Variants in TFIP11 observed in about 807,000 individuals in gnomAD.
The protein encoded by TFIP11 is tuftelin-interacting protein 11.
TFIP11 carries 86 observed loss-of-function variants against 96.8 expected under a neutral mutation model. That is an observed-to-expected ratio of 0.89 (90% CI 0.75 to 1.06). The LOEUF is 1.06. TFIP11 is among the 50% of genes least tolerant of loss of function. The pLI is 0.00. For synonymous variants in TFIP11, 405 were observed against 395.2 expected, an observed-to-expected ratio of 1.02 and a Z score of -0.29; for missense variants, 881 against 1,076.7, an observed-to-expected ratio of 0.82 and a Z score of 2.54.
chr22:26,499,236 C>A lies in TFIP11; in HGVS notation c.1197G>T (p.Glu399Asp). 6.2e-7 allele frequency: 1 copy of A among 1,614,018 alleles called. No homozygotes were observed. The highest frequency in any genetic ancestry group is 8.5e-7 in the Non-Finnish European group (1 of 1,179,948). The change falls in exon 9 of 15, where the codon GAG becomes GAT. Residue 399 changes from glutamate to aspartate, a missense_variant. Coordinates refer to ENST00000407690, the MANE Select transcript of TFIP11 (RefSeq NM_012143.4). ...GCAGGGTTTCGAAGATGCGGGCACA[C>A]TCGTCCAGGGTGAGGGGGTTGCTGC... ...PDCSNPLTLDECARIFETLQD... is the reference protein window; with the variant it reads ...PDCSNPLTLDDCARIFETLQD...
Position 26,506,889 on chromosome 22 carries a change from T to C in TFIP11, c.249A>G (p.Ala83=). ...CCTCCGCTGCCCCTTTCTTGAGCCC[T>C]GCGCTGATGAAGTTGACTGGCGCAG... is the stretch of plus-strand genomic sequence containing the variant. ...DYSAPVNFIS[A]GLKKGAAEEA... The change falls in exon 5 of 15, where the codon GCA becomes GCG. Residue 83 remains alanine (A), a synonymous_variant. Coordinates refer to ENST00000407690, the MANE Select transcript of TFIP11 (RefSeq NM_012143.4). The C allele has an allele frequency of 1.2e-6, 2 of 1,614,204 alleles. No individual in the cohort carries two copies. The highest frequency in any genetic ancestry group is 1.7e-6 in the Non-Finnish European group (2 of 1,180,044).
chr22:26,499,704 G>A, intron 8 of TFIP11, 73 bp from the exon 9 acceptor site: 1 of 1,481,118 alleles, frequency 6.8e-7, no homozygotes, highest in Non-Finnish European at 9.1e-7. Flanking sequence ...CCCAGGGGAA[G>A]GCCCCATGAC....
intron 8 of TFIP11, 74 bp from the exon 9 acceptor site, chr22:26,499,705 G>T: frequency 6.8e-7 from 1 of 1,462,430 alleles, no homozygotes; most frequent in South Asian, 1.3e-5. Flanking sequence ...CCAGGGGAAG[G>T]CCCCATGACA....
chr22:26,492,589 T>TA, intron 14 of TFIP11: 1 of 558,322 alleles, frequency 1.8e-6, no homozygotes, highest in Non-Finnish European at 3.2e-6. Flanking sequence ...AACCAGATTA[T>TA]TAATATTCAA....
rs756655665 is a variant in TFIP11, at chr22:26,499,279, C to G, written c.1154G>C (p.Arg385Pro). 2 of 1,613,716 alleles carry G rather than the reference C, an allele frequency of 1.2e-6. No homozygotes were observed. The highest frequency in any genetic ancestry group is 2.2e-5 in the South Asian group (2 of 91,042). Residue 385 changes from arginine to proline, a missense_variant, in exon 9 of 15, where the codon CGG becomes CCG. Arg to Pro is a moderately radical substitution (Grantham distance 103). Transcript: ENST00000407690. ...GTTGCTGCAGTCGGGCTGCATCCGCCGCTCGCACTCCTCCACCATCTCCAG... is the reference window on the plus strand; with the variant it reads ...GTTGCTGCAGTCGGGCTGCATCCGCGGCTCGCACTCCTCCACCATCTCCAG... ...KVLEMVEECE[R>P]RMQPDCSNPL... is the part of the protein sequence containing the mutation.
At chr22:26,497,996 G>C (rs1325686453) in intron 10 of TFIP11, among the ~76,000 whole-genome samples, 1 of 63,390 alleles carries the variant, frequency 1.6e-5, no homozygotes, top group Non-Finnish European at 4.4e-5. Flanking sequence ...TCAACAAGTG[G>C]ATAAAGAAAC....
chr22:26,510,125 T>C lies in TFIP11; in HGVS notation c.148A>G (p.Thr50Ala), dbSNP rs1243513496. The change falls in exon 4 of 15, where the codon ACC becomes GCC. Residue 50 changes from threonine to alanine, a missense_variant. Coordinates refer to ENST00000407690, the MANE Select transcript of TFIP11 (RefSeq NM_012143.4). ...QRHWQTKEEA[T>A]YGVWAERDSD... ...TCTCGCTCTGCCCACACCCCGTAGGTGGCTTCTTCCTTGGTCTGCCAGTGG... is the reference window on the plus strand; with the variant it reads ...TCTCGCTCTGCCCACACCCCGTAGGCGGCTTCTTCCTTGGTCTGCCAGTGG... 4.1e-5 allele frequency: 66 copies of C among 1,614,012 alleles called. No individual in the cohort carries two copies. Among genetic ancestry groups the C allele is most frequent in the Non-Finnish European group, 5.5e-5 (65 of 1,180,040 alleles).
In TFIP11 at chr22:26,503,678, T is replaced by A; in HGVS notation, c.636A>T (p.Glu212Asp). 1 of 1,614,142 alleles carries A rather than the reference T, an allele frequency of 6.2e-7. No homozygotes were observed. The change falls in exon 7 of 15, where the codon GAA becomes GAT. Residue 212 changes from glutamate (E) to aspartate (D), a missense_variant. Coordinates refer to ENST00000407690, the MANE Select transcript of TFIP11 (RefSeq NM_012143.4). ...MQDFPVVDSE[E>D]EAEEEFQKEL... The stretch of plus-strand genomic sequence containing the variant: ...GACTTCCAGTTACCTCTTCAGCTTC[T>A]TCCTCTGAGTCAACCACAGGGAAGT...
Position 26,510,194 on chromosome 22 carries a change from T to C in TFIP11, c.79A>G (p.Thr27Ala). ...AACTCATTCTGGAGATCCCAGTCAG[T>C]GATCTCAAAGTTCTCCCGCTCGTCA... ...DDDERENFEI[T>A]DWDLQNEFNP... The change falls in exon 4 of 15, where the codon ACT becomes GCT. Residue 27 changes from threonine (T) to alanine (A), a missense_variant. Transcript: ENST00000407690. The C allele has an allele frequency of 1.2e-6, 2 of 1,614,172 alleles. No homozygotes were observed. The highest frequency in any genetic ancestry group is 1.7e-6 in the Non-Finnish European group (2 of 1,180,030).
intron 10 of TFIP11, among the ~76,000 whole-genome samples, chr22:26,497,614 A>C (rs958567367): frequency 2.6e-5 from 4 of 152,234 alleles, no homozygotes; most frequent in Non-Finnish European, 5.9e-5. Context: ...ACGGAGGCTC[A>C]CGCCTGTAAT....
At chr22:26,508,927 A>G (rs893251024) in intron 4 of TFIP11, among the ~76,000 whole-genome samples, 1 of 151,296 alleles carries the variant, frequency 6.6e-6, no homozygotes, top group African/African-American at 2.4e-5. Context: ...GGAGGAAAAA[A>G]CCCCCAACCT....
rs911957995 is a variant in TFIP11, at chr22:26,491,953, T to C, written c.*60A>G. On this transcript the variant is annotated 3_prime_UTR_variant, in exon 15 of 15. Coordinates refer to ENST00000407690, the MANE Select transcript of TFIP11 (RefSeq NM_012143.4). ...TTTGAAGGTGATCTAAAAATACTGT[T>C]TATTTACAGTACATCCCTCTTAGGG... 21 of 1,442,274 alleles carry C rather than the reference T, an allele frequency of 1.5e-5. No individual in the cohort carries two copies. The highest frequency in any genetic ancestry group is 8.3e-5 in the Admixed American group (4 of 48,080). 89.3% of individuals were successfully genotyped at this position (1,442,274 alleles called of 1,614,324 possible). A position where few individuals can be genotyped will look rare whatever the true frequency, so the allele number is the denominator to read the frequency against.
In TFIP11 at chr22:26,491,819, T is replaced by C. The variant is rs530963587; in HGVS notation, c.*194A>G. ...CCTGTTTTGAGGACGATACCCCACATGAGGACTTGGTATAAAGATTCCTGC... is the reference window on the plus strand; with the variant it reads ...CCTGTTTTGAGGACGATACCCCACACGAGGACTTGGTATAAAGATTCCTGC... On this transcript the variant is annotated 3_prime_UTR_variant, in exon 15 of 15. Coordinates refer to ENST00000407690, the MANE Select transcript of TFIP11 (RefSeq NM_012143.4). The C allele has an allele frequency of 1.4e-4, 132 of 918,534 alleles. 1 individual carries two copies. The South Asian group carries it at 2.1e-3, about 14-fold the overall frequency. The allele number at this position is 918,534 out of a possible 1,614,324, so 56.9% of individuals were successfully genotyped here.
At chr22:26,497,815 G>A (rs1403432246) in intron 10 of TFIP11, among the ~76,000 whole-genome samples, 1 of 148,082 alleles carries the variant, frequency 6.8e-6, no homozygotes, top group Non-Finnish European at 1.5e-5. Flanking sequence ...GGCAGAGGTT[G>A]CAGTGAGCCG....
intron 12 of TFIP11, among the ~76,000 whole-genome samples, chr22:26,495,586 GTATACATA>G (rs1486054882): frequency 3.9e-5 from 2 of 50,808 alleles, no homozygotes; most frequent in South Asian, 1.1e-3. Flanking sequence ...GTGTGTGTGT[GTATACATA>G]TATACATATA....
intron 10 of TFIP11, chr22:26,498,561 A>AT: frequency 5.4e-6 from 1 of 185,500 alleles, no homozygotes. Flanking sequence ...AAAAAAAAAA[A>AT]GACTACAAAT....
chr22:26,494,081 A>C, intron 14 of TFIP11, 58 bp downstream of exon 14: 1 of 1,588,782 alleles, frequency 6.3e-7, no homozygotes, highest in Non-Finnish European at 8.6e-7. Flanking sequence ...TGTGTCATTT[A>C]CATGTGTAAA....
intron 8 of TFIP11, among the ~76,000 whole-genome samples, chr22:26,500,617 G>A (rs1276818139): frequency 6.6e-6 from 1 of 151,714 alleles, no homozygotes; most frequent in Non-Finnish European, 1.5e-5. Context: ...CACTTTTTAA[G>A]TAAGAGTGTG....
chr22:26,493,091 A>G (rs1352200811), intron 14 of TFIP11: 1 of 151,258 alleles, frequency 6.6e-6, no homozygotes. Flanking sequence ...CAGTGCTTGC[A>G]ATCTCGGCTC....
Sources: gnomAD v4.1 joint callset for allele counts (sites outside exome capture counted in the v4.1 genomes callset) on GRCh38, gnomAD v4.1.1 for gene constraint, MANE v1.5 for transcripts, NCBI Gene and HGNC (gene_info 2026-07-23, HGNC 2026-07-21) for gene names.